KSR2: variants seen among roughly 807,000 people sequenced by gnomAD.
KSR2 encodes the protein kinase suppressor of ras 2.
In KSR2, 25 loss-of-function variants were observed where a neutral mutation model predicts 107.8. That is an observed-to-expected ratio of 0.23 (90% CI 0.17 to 0.32). The LOEUF is 0.32. KSR2 is among the 10% of genes least tolerant of loss of function. The pLI is 1.00. For synonymous variants in KSR2, 480 were observed against 507.0 expected (o/e 0.95, Z 0.71); for missense variants, 887 against 1,268.9 (o/e 0.70, Z 4.57).
intron 16 of KSR2, among the ~76,000 whole-genome samples, chr12:117,483,985 T>C (rs1192983445): frequency 1.3e-5 from 2 of 152,258 alleles, no homozygotes; most frequent in Admixed American, 6.5e-5. Context: ...GGAAGAGCTG[T>C]GTCAGGCCAT....
chr12:117,845,290 G>A (rs1892659882), intron 3 of KSR2, among the ~76,000 whole-genome samples: 1 of 152,156 alleles, frequency 6.6e-6, no homozygotes, highest in African/African-American at 2.4e-5. Flanking sequence ...GACCCACGCA[G>A]CCATGGGTCC....
chr12:117,522,756 T>G (rs1874846439), intron 14 of KSR2, among the ~76,000 whole-genome samples: 1 of 152,172 alleles, frequency 6.6e-6, no homozygotes, highest in Admixed American at 6.5e-5. Context: ...AGCTAGCCTG[T>G]TGAGGATATC....
At chr12:117,509,150 T>C (rs117905040) in intron 14 of KSR2, among the ~76,000 whole-genome samples, 1 of 152,132 alleles carries the variant, frequency 6.6e-6, no homozygotes, top group African/African-American at 2.4e-5. Flanking sequence ...CAGCTAAAGA[T>C]GAAGCAGATA....
intron 5 of KSR2, among the ~76,000 whole-genome samples, chr12:117,607,405 C>T (rs749781003): frequency 2.0e-5 from 3 of 152,142 alleles, no homozygotes; most frequent in African/African-American, 4.8e-5. Flanking sequence ...CAGAGAGATG[C>T]CCAGCTGGTA....
chr12:117,710,859 C>T (rs1229633194), intron 4 of KSR2, among the ~76,000 whole-genome samples: 1 of 152,100 alleles, frequency 6.6e-6, no homozygotes, highest in Admixed American at 6.6e-5. Context: ...TCCATGTCGA[C>T]CTTCTTTCAA....
intron 14 of KSR2, among the ~76,000 whole-genome samples, chr12:117,509,665 C>T (rs1873910033): frequency 6.6e-6 from 1 of 152,138 alleles, no homozygotes; most frequent in Non-Finnish European, 1.5e-5. Flanking sequence ...ACAAGTCTGC[C>T]GAGAATCCTT....
intron 14 of KSR2, among the ~76,000 whole-genome samples, chr12:117,502,350 C>G (rs371427501): frequency 6.6e-6 from 1 of 152,136 alleles, no homozygotes; most frequent in South Asian, 2.1e-4. Flanking sequence ...AATATGGGTT[C>G]CATCATGCCA....
intron 5 of KSR2, among the ~76,000 whole-genome samples, chr12:117,617,211 T>C (rs1326693477): frequency 1.3e-5 from 2 of 152,210 alleles, no homozygotes; most frequent in Non-Finnish European, 2.9e-5. Flanking sequence ...GGGTCCTATA[T>C]GAGTTGCACA....
rs1894536617 is a variant in KSR2 at position 117,897,067 on chromosome 12, C to G, written c.181-36636G>C. Among the ~76,000 whole-genome samples, 1 of 152,176 alleles carries G rather than the reference C, an allele frequency of 6.6e-6. No homozygotes were observed. Among genetic ancestry groups the G allele is most frequent in the Admixed American group, 6.6e-5 (1 of 15,264 alleles). ...GGTGTTAGAGTGAAGAGGTTTCTTC[C>G]TCTCTGCCCTGTTCCTCTTCGCCCA... On this transcript the variant is annotated intron_variant, in intron 1 of 19. Coordinates refer to ENST00000339824, the MANE Select transcript of KSR2 (RefSeq NM_173598.6). The surrounding 1 kb of genome is among the most constrained non-coding windows in gnomAD (Gnocchi z 4.5).
rs946211378 is a variant in KSR2 at position 117,522,135 on chromosome 12, AG to A, written c.2219+2716del. On this transcript the variant is annotated intron_variant, in intron 14 of 19. Coordinates refer to ENST00000339824, the MANE Select transcript of KSR2 (RefSeq NM_173598.6). The stretch of plus-strand genomic sequence containing the variant: ...CTGTAGGCAGTTATGGCGCTTGGGG[AG>A]GGGGGCTCAGAATTTTGTACATAAT... 2.0e-5 allele frequency among the ~76,000 whole-genome samples: 3 copies of A among 151,958 alleles called. No individual in the cohort carries two copies. The South Asian group carries it at 6.2e-4, about 32-fold the overall frequency.
At chr12:117,953,795 T>C (rs12424627) in intron 1 of KSR2, among the ~76,000 whole-genome samples, 36,497 of 152,114 alleles carry the variant, frequency 0.24, 5,795 homozygotes, top group African/African-American at 0.44. Context: ...CACTTAAAAA[T>C]AGTTGAAATG....
intron 3 of KSR2, among the ~76,000 whole-genome samples, chr12:117,801,868 G>A (rs11068678): frequency 0.16 from 24,466 of 151,970 alleles, 3,319 homozygotes; most frequent in African/African-American, 0.37. Context: ...GGTGGCCTGG[G>A]ATTCCCAAGA....
chr12:117,576,879 C>T (rs938925804), intron 7 of KSR2, among the ~76,000 whole-genome samples: 1 of 152,014 alleles, frequency 6.6e-6, no homozygotes. Flanking sequence ...TGGTCTCAAA[C>T]TCCTGGGCTC....
At chr12:117,494,539 G>A (rs1872920168) in intron 14 of KSR2, among the ~76,000 whole-genome samples, 1 of 152,146 alleles carries the variant, frequency 6.6e-6, no homozygotes, top group Non-Finnish European at 1.5e-5. Flanking sequence ...TCCTTTTATG[G>A]AGGCCCAGAG....
rs1396514900 is a variant in KSR2, at chr12:117,458,295, G to T, written c.*8904C>A. 1 of 152,068 alleles carries T rather than the reference G, an allele frequency of 6.6e-6. No homozygotes were observed. Among genetic ancestry groups the T allele is most frequent in the East Asian group, 1.9e-4 (1 of 5,184 alleles). The allele number at this position is 152,068 out of a possible 1,614,324, so 9.4% of individuals were successfully genotyped here. On this transcript the variant is annotated 3_prime_UTR_variant, in exon 20 of 20. Transcript: ENST00000339824. Reference sequence around the variant, plus strand: ...CACTCAGAAAAGGCCTCTGGTTATTGTTGGCCTGTATTTATTTCCTCCTGA... The same window carrying T: ...CACTCAGAAAAGGCCTCTGGTTATTTTTGGCCTGTATTTATTTCCTCCTGA...
rs143619609 is a variant in KSR2, at chr12:117,948,638, C to T, written c.180+19438G>A. Among the ~76,000 whole-genome samples the T allele has an allele frequency of 6.0e-3, 908 of 152,146 alleles. 10 individuals are homozygous for T. The highest frequency in any genetic ancestry group is 0.02 in the African/African-American group (834 of 41,502). On this transcript the variant is annotated intron_variant, in intron 1 of 19. Coordinates refer to ENST00000339824, the MANE Select transcript of KSR2 (RefSeq NM_173598.6). ...TTAATTTCTTACAAAGGTGTAAAGG[C>T]AATTCAGTGGAGAAAGAAATCACCA...
rs1889003139 is a variant in KSR2 at position 117,761,263 on chromosome 12, T to C, written c.734A>G (p.His245Arg). 6.5e-7 allele frequency: 1 copy of C among 1,532,162 alleles called. No individual in the cohort carries two copies. The allele number at this position is 1,532,162 out of a possible 1,614,324, so 94.9% of individuals were successfully genotyped here. A position where few individuals can be genotyped will look rare whatever the true frequency, so the allele number is the denominator to read the frequency against. Reference sequence around the variant, plus strand: ...CCGGGGCGATGGGGGCAGGGAACGGTGGCCCGACTCCAGTGGCGGGGGCGG... The same window carrying C: ...CCGGGGCGATGGGGGCAGGGAACGGCGGCCCGACTCCAGTGGCGGGGGCGG... The part of the protein sequence containing the change: ...LCPPPPLESG[H>R]RSLPPSPRQR... Residue 245 changes from histidine to arginine, a missense_variant, in exon 4 of 20, where the codon CAC (histidine) becomes CGC (arginine). By Grantham distance (29) the His-to-Arg change is conservative. Around this residue, in one of 8 missense-constraint regions of KSR2, gnomAD observed 399 missense variants for 479.5 expected, o/e 0.83. Transcript: ENST00000339824.
intron 5 of KSR2, among the ~76,000 whole-genome samples, chr12:117,623,177 G>A (rs1593061954): frequency 6.6e-6 from 1 of 152,192 alleles, no homozygotes; most frequent in African/African-American, 2.4e-5. Context: ...GTGAATACCA[G>A]TTAAATTCCA....
At chr12:117,625,891 G>T (rs1296620444) in intron 5 of KSR2, among the ~76,000 whole-genome samples, 2 of 152,146 alleles carry the variant, frequency 1.3e-5, no homozygotes, top group Admixed American at 1.3e-4. Context: ...CCTGTTATTA[G>T]TCTATTCAGA....
Sources: gnomAD v4.1 joint callset for allele counts (sites outside exome capture counted in the v4.1 genomes callset) on GRCh38, gnomAD v4.1.1 for gene constraint, gnomAD v4.1.1 regional missense constraint, Gnocchi (gnomAD v3.1) non-coding constraint, MANE v1.5 for transcripts, NCBI Gene and HGNC (gene_info 2026-07-23, HGNC 2026-07-21) for gene names.